CFAP53: variants seen among roughly 807,000 people sequenced by gnomAD.
CFAP53 encodes the protein cilia- and flagella-associated protein 53.
CFAP53 carries 62 observed loss-of-function variants against 59.7 expected under a neutral mutation model. The observed-to-expected ratio is 1.04, with a 90% CI of 0.85 to 1.28. The LOEUF (loss-of-function observed/expected upper bound fraction) is 1.28. Ranked by LOEUF, CFAP53 falls within the 50% of genes most tolerant of loss-of-function variation. CFAP53 has a pLI of 0.00. For synonymous variants in CFAP53, 218 were observed against 205.7 expected (o/e 1.06, Z -0.51); for missense variants, 629 against 615.6 (o/e 1.02, Z -0.23).
Position 50,262,246 on chromosome 18 carries a change from ATAAT to A in CFAP53, c.70-31_70-28del, listed in dbSNP as rs1568160227. 3 of 1,564,688 alleles carry A rather than the reference ATAAT, an allele frequency of 1.9e-6. No homozygotes were observed. In the South Asian group the frequency reaches 3.3e-5, roughly 17 times the overall value. ...TGAAAACAAAAACCAACTATCACTT[ATAAT>A]AAGCCAAAGAATCAACTGCATATTT... On this transcript the variant is annotated intron_variant, in intron 1 of 7. Coordinates refer to ENST00000398545, the MANE Select transcript of CFAP53 (RefSeq NM_145020.5).
At chr18:50,239,939 A>G (rs2033672840) in intron 6 of CFAP53, among the ~76,000 whole-genome samples, 1 of 152,218 alleles carries the variant, frequency 6.6e-6, no homozygotes, top group African/African-American at 2.4e-5. Context: ...TTTCTATAAC[A>G]TTTATCACTT....
At chr18:50,245,992 C>T (rs111343723) in intron 5 of CFAP53, among the ~76,000 whole-genome samples, 49 of 152,268 alleles carry the variant, frequency 3.2e-4, no homozygotes, top group African/African-American at 1.1e-3. Context: ...CCGGATCAAG[C>T]GATTCTCCTG....
intron 6 of CFAP53, among the ~76,000 whole-genome samples, chr18:50,241,819 G>A (rs572593319): frequency 2.6e-5 from 4 of 152,080 alleles, no homozygotes; most frequent in Non-Finnish European, 5.9e-5. Context: ...CACTGTGCAC[G>A]CATTGTCTTG....
At chr18:50,230,795 T>C (rs1692742281) in intron 7 of CFAP53, among the ~76,000 whole-genome samples, 1 of 152,214 alleles carries the variant, frequency 6.6e-6, no homozygotes, top group African/African-American at 2.4e-5. Context: ...GAATTTGTTG[T>C]TGGGGTCAGA....
At chr18:50,229,384 G>T (rs2033557855) in intron 7 of CFAP53, among the ~76,000 whole-genome samples, 1 of 152,082 alleles carries the variant, frequency 6.6e-6, no homozygotes, top group Non-Finnish European at 1.5e-5. Flanking sequence ...TGTCCTCCAG[G>T]TTCATCCATA....
chr18:50,261,268 A>G (rs772705958), intron 2 of CFAP53, 31 bp from the exon 3 acceptor site: 18 of 1,487,358 alleles, frequency 1.2e-5, no homozygotes, highest in South Asian at 5.4e-5. Flanking sequence ...AAAAAAAAAA[A>G]AAAGAAAACT....
At chr18:50,239,987 A>G (rs1046738513) in intron 6 of CFAP53, among the ~76,000 whole-genome samples, 3 of 152,228 alleles carry the variant, frequency 2.0e-5, no homozygotes, top group Non-Finnish European at 2.9e-5. Flanking sequence ...CAAAGAATCA[A>G]TATGTCAGTA....
chr18:50,228,738 C>A (rs561759269), intron 7 of CFAP53, among the ~76,000 whole-genome samples: 1 of 152,194 alleles, frequency 6.6e-6, no homozygotes, highest in South Asian at 2.1e-4. Flanking sequence ...TTGCAGTGAG[C>A]CAAGACTGCG....
chr18:50,262,958 A>C (rs535518537), intron 1 of CFAP53, among the ~76,000 whole-genome samples: 1 of 152,274 alleles, frequency 6.6e-6, no homozygotes, highest in South Asian at 2.1e-4. Flanking sequence ...AATTTCTATA[A>C]ATGTACTGTT....
intron 1 of CFAP53, among the ~76,000 whole-genome samples, chr18:50,263,302 A>T (rs1216641021): frequency 6.6e-6 from 1 of 152,108 alleles, no homozygotes; most frequent in African/African-American, 2.4e-5. Context: ...CAGAAACAAA[A>T]CTCTTAAGAG....
chr18:50,260,970 C>A, intron 3 of CFAP53, 94 bp downstream of exon 3: 6 of 1,259,586 alleles, frequency 4.8e-6, no homozygotes, highest in Non-Finnish European at 6.7e-6. Context: ...CTCTGTATAT[C>A]CTCTTAAGAC....
At chr18:50,229,919 TTTG>T (rs1208206200) in intron 7 of CFAP53, among the ~76,000 whole-genome samples, 2 of 151,842 alleles carry the variant, frequency 1.3e-5, no homozygotes, top group Admixed American at 6.6e-5. Context: ...AGCTAATTTT[TTTG>T]TTGTTGTTGT....
chr18:50,263,797 G>A (rs2033914936), intron 1 of CFAP53, among the ~76,000 whole-genome samples: 1 of 152,176 alleles, frequency 6.6e-6, no homozygotes, highest in African/African-American at 2.4e-5. Context: ...ACAGGGCTGA[G>A]GGATATTTTG....
chr18:50,251,779 C>A lies in CFAP53; in HGVS notation c.479G>T (p.Arg160Leu), dbSNP rs372600058. The stretch of plus-strand genomic sequence containing the variant: ...CAATTCAACACGGAGCTCCTCACAG[C>A]GTTCCCTGAAAGGAAAATTTTAAAA... ...AEKLDQQFRERCEELRVELLS... is the reference protein window; with the variant it reads ...AEKLDQQFRELCEELRVELLS... Residue 160 changes from arginine to leucine, a missense_variant, in exon 4 of 8, where the codon CGC becomes CTC. Transcript: ENST00000398545. 9.9e-6 allele frequency: 16 copies of A among 1,611,400 alleles called. No individual in the cohort carries two copies. Among genetic ancestry groups the A allele is most frequent in the Middle Eastern group, 1.6e-4 (1 of 6,072 alleles).
At chr18:50,231,670 C>T (rs1401143458) in intron 7 of CFAP53, among the ~76,000 whole-genome samples, 1 of 152,196 alleles carries the variant, frequency 6.6e-6, no homozygotes, top group Non-Finnish European at 1.5e-5. Flanking sequence ...TCCGGTGTTG[C>T]CTGAAGGCCA....
rs780966107 is a variant in CFAP53 at position 50,251,786 on chromosome 18, T to C, written c.474-2A>G. ...ACACGGAGCTCCTCACAGCGTTCCC[T>C]GAAAGGAAAATTTTAAAAAGACAAA... On this transcript the variant is annotated splice_acceptor_variant, in intron 3 of 7. Coordinates refer to ENST00000398545, the MANE Select transcript of CFAP53 (RefSeq NM_145020.5). LOFTEE classifies it high-confidence loss of function. 7 of 1,610,574 alleles carry C rather than the reference T, an allele frequency of 4.3e-6. No individual in the cohort carries two copies. Among genetic ancestry groups the C allele is most frequent in the African/African-American group, 1.3e-5 (1 of 74,676 alleles).
intron 5 of CFAP53, among the ~76,000 whole-genome samples, chr18:50,245,781 T>C (rs960563712): frequency 6.6e-6 from 1 of 152,196 alleles, no homozygotes; most frequent in African/African-American, 2.4e-5. Context: ...TCCAGATACC[T>C]GGACATGCAA....
chr18:50,231,122 G>A (rs1459316779), intron 7 of CFAP53, among the ~76,000 whole-genome samples: 7 of 152,114 alleles, frequency 4.6e-5, no homozygotes, highest in Non-Finnish European at 8.8e-5. Flanking sequence ...CAAACACCTC[G>A]GCTGACAGAA....
chr18:50,240,833 C>G (rs559031738), intron 6 of CFAP53, among the ~76,000 whole-genome samples: 4 of 152,260 alleles, frequency 2.6e-5, no homozygotes, highest in Middle Eastern at 3.4e-3. Context: ...ACCACTGGTG[C>G]GAAATCCAAT....
Sources: gnomAD v4.1 joint callset for allele counts (sites outside exome capture counted in the v4.1 genomes callset) on GRCh38, gnomAD v4.1.1 for gene constraint, MANE v1.5 for transcripts, NCBI Gene and HGNC (gene_info 2026-07-23, HGNC 2026-07-21) for gene names.